The following CSMD1 variants were observed in gnomAD, a reference collection of about 807,000 sequenced individuals.
CSMD1 encodes the protein CUB and Sushi multiple domains 1, also known as CUB and sushi domain-containing protein 1.
Under a neutral mutation model 417.5 loss-of-function variants are expected in CSMD1, and 213 were observed. The observed-to-expected ratio is 0.51, with a 90% confidence interval of 0.46 to 0.57. The LOEUF is 0.57. Ranked by LOEUF, CSMD1 falls within the 20% of genes least tolerant of loss-of-function variation. The probability of loss-of-function intolerance (pLI) is 0.00; values close to 1 mark genes in which losing one functional copy is unlikely to be tolerated. For missense variants in CSMD1, 6,923 were observed against 4,529.7 expected (o/e 1.53, Z -15.17); for synonymous variants, 2,862 against 1,736.8 (o/e 1.65, Z -16.11).
intron 7 of CSMD1, among the ~76,000 whole-genome samples, chr8:3,622,611 A>C (rs1247550941): frequency 6.6e-6 from 1 of 152,264 alleles, no homozygotes; most frequent in Non-Finnish European, 1.5e-5. Context: ...AAAATGATTT[A>C]GACAAGCCTG....
intron 3 of CSMD1, among the ~76,000 whole-genome samples, chr8:4,354,283 C>G (rs1801268848): frequency 6.6e-6 from 1 of 151,896 alleles, no homozygotes; most frequent in Non-Finnish European, 1.5e-5. Context: ...ACAAAGTAAC[C>G]AAGTTACTCA....
intron 5 of CSMD1, among the ~76,000 whole-genome samples, chr8:3,815,626 CT>C (rs5888995): frequency 0.045 from 6,591 of 146,376 alleles, 352 homozygotes; most frequent in African/African-American, 0.12. Flanking sequence ...GCTAGACTTT[CT>C]TTTTTTTTTT....
intron 5 of CSMD1, among the ~76,000 whole-genome samples, chr8:3,956,564 T>C (rs1445956335): frequency 6.6e-6 from 1 of 152,244 alleles, no homozygotes; most frequent in African/African-American, 2.4e-5. Flanking sequence ...ATACTTAATA[T>C]GTATCAAATA....
chr8:4,056,205 C>T lies in CSMD1; in HGVS notation c.416-24106G>A, dbSNP rs548636886. Among the ~76,000 whole-genome samples the T allele has an allele frequency of 6.6e-5, 10 of 150,926 alleles. No individual in the cohort carries two copies. In the South Asian group the frequency reaches 1.9e-3, roughly 29 times the overall value. On this transcript the variant is annotated intron_variant, in intron 3 of 69. Coordinates refer to ENST00000635120, the MANE Select transcript of CSMD1 (RefSeq NM_033225.6). ...CGAGCAATTCTCTTGCCTCAGCCTC[C>T]CGAGTAGCTGGGATTACAGGTGTGT...
chr8:4,127,525 A>G (rs1018134330), intron 3 of CSMD1, among the ~76,000 whole-genome samples: 1 of 150,702 alleles, frequency 6.6e-6, no homozygotes. Flanking sequence ...TCCCTCCACC[A>G]GAAACCCTTT....
chr8:3,883,248 C>T (rs752959785), intron 5 of CSMD1, among the ~76,000 whole-genome samples: 1 of 152,090 alleles, frequency 6.6e-6, no homozygotes, highest in Non-Finnish European at 1.5e-5. Flanking sequence ...TAATTTTCCT[C>T]ATATTAAATA....
In CSMD1 at chr8:3,772,436, CATTT is replaced by C. The variant is rs1347504928; in HGVS notation, c.819-18398_819-18395del. Among the ~76,000 whole-genome samples, 23 of 63,198 alleles carry C rather than the reference CATTT, an allele frequency of 3.6e-4. 4 individuals are homozygous for C. Among genetic ancestry groups the C allele is most frequent in the African/African-American group, 2.5e-3 (23 of 9,196 alleles). 41.5% of individuals were successfully genotyped at this position (63,198 alleles called of 152,430 possible). On this transcript the variant is annotated intron_variant, in intron 5 of 69. Coordinates refer to ENST00000635120, the MANE Select transcript of CSMD1 (RefSeq NM_033225.6). ...ATTTATATATACACATATATACATA[CATTT>C]ATATATACACATATATATACATATA...
At chr8:3,077,410 C>T (rs1393575566) in intron 49 of CSMD1, among the ~76,000 whole-genome samples, 1 of 152,152 alleles carries the variant, frequency 6.6e-6, no homozygotes, top group East Asian at 1.9e-4. Flanking sequence ...GGAAAACAGG[C>T]AAAGCACACA....
intron 1 of CSMD1, among the ~76,000 whole-genome samples, chr8:4,971,435 A>T (rs570865667): frequency 3.4e-4 from 52 of 152,080 alleles, no homozygotes; most frequent in Non-Finnish European, 7.2e-4. Context: ...TCAAGTTTCC[A>T]TAATTCTAAC....
chr8:4,743,843 G>C (rs1002461546), intron 1 of CSMD1, among the ~76,000 whole-genome samples: 1 of 152,102 alleles, frequency 6.6e-6, no homozygotes, highest in Admixed American at 6.5e-5. Context: ...AGCTTCTTGC[G>C]GTCCACTTTT....
At chr8:3,480,392 G>A (rs971109679) in intron 11 of CSMD1, among the ~76,000 whole-genome samples, 21 of 151,980 alleles carry the variant, frequency 1.4e-4, no homozygotes, top group Admixed American at 2.6e-4. Flanking sequence ...AAGGAAAAAC[G>A]AATAAAGCTT....
rs545688230 is a variant in CSMD1, at chr8:4,425,408, C to T, written c.303-5343G>A. 1.1e-4 allele frequency among the ~76,000 whole-genome samples: 16 copies of T among 147,854 alleles called. No individual in the cohort carries two copies. The South Asian group carries it at 3.2e-3, about 29-fold the overall frequency. On this transcript the variant is annotated intron_variant, in intron 2 of 69. Transcript: ENST00000635120. The stretch of plus-strand genomic sequence containing the variant: ...AAAAAAAAAAAAAAATAGAGTCCAA[C>T]ATTAGTTGACAGGGATGCGGAAGGA...
intron 1 of CSMD1, among the ~76,000 whole-genome samples, chr8:4,668,862 T>C (rs188837674): frequency 6.6e-6 from 1 of 152,196 alleles, no homozygotes; most frequent in Non-Finnish European, 1.5e-5. Flanking sequence ...TTTATCTCTG[T>C]ATTTTCTATT....
chr8:4,386,841 C>G (rs117018727), intron 3 of CSMD1, among the ~76,000 whole-genome samples: 3 of 152,098 alleles, frequency 2.0e-5, no homozygotes, highest in African/African-American at 7.2e-5. Context: ...GGAAATAAGA[C>G]CACAGCAGCA....
At chr8:4,254,945 C>G (rs1273452605) in intron 3 of CSMD1, among the ~76,000 whole-genome samples, 1 of 152,220 alleles carries the variant, frequency 6.6e-6, no homozygotes, top group African/African-American at 2.4e-5. Context: ...CAACACATGA[C>G]TGGAGTGGAC....
intron 5 of CSMD1, among the ~76,000 whole-genome samples, chr8:3,876,772 G>C (rs544989298): frequency 6.6e-6 from 1 of 152,164 alleles, no homozygotes; most frequent in East Asian, 1.9e-4. Context: ...ACCAGGCACA[G>C]CAAGTTTTTA....
intron 11 of CSMD1, among the ~76,000 whole-genome samples, chr8:3,474,388 T>C (rs927831944): frequency 2.6e-5 from 4 of 152,152 alleles, no homozygotes; most frequent in Non-Finnish European, 5.9e-5. Context: ...GAGGTTTTCC[T>C]GACAATGTTT....
At chr8:4,704,133 G>A (rs972930880) in intron 1 of CSMD1, among the ~76,000 whole-genome samples, 1 of 152,154 alleles carries the variant, frequency 6.6e-6, no homozygotes, top group African/African-American at 2.4e-5. Flanking sequence ...AGGCAGGTGG[G>A]GACCCGTGAT....
chr8:4,050,179 C>A (rs763299782), intron 3 of CSMD1, among the ~76,000 whole-genome samples: 3 of 152,122 alleles, frequency 2.0e-5, no homozygotes, highest in African/African-American at 7.2e-5. Context: ...GGGACTTCCA[C>A]TCTGGATGTT....
Sources: allele counts gnomAD v4.1 joint callset (sites outside exome capture counted in the v4.1 genomes callset), GRCh38; gene constraint gnomAD v4.1.1; transcripts MANE v1.5; gene names NCBI Gene and HGNC (gene_info 2026-07-23, HGNC 2026-07-21).